The following EOGT variants were observed in gnomAD, a reference collection of about 807,000 sequenced individuals.
EOGT encodes the protein EGF domain-specific O-linked N-acetylglucosamine transferase.
EOGT carries 55 observed loss-of-function variants against 70.5 expected under a neutral mutation model. That is an observed-to-expected ratio of 0.78 (90% CI 0.63 to 0.98). The LOEUF is 0.98. Among genes scored for constraint, EOGT ranks in the 50% least tolerant of loss-of-function variants. EOGT has a pLI of 0.00. For synonymous variants in EOGT, 246 were observed against 217.1 expected, an observed-to-expected ratio of 1.13 and a Z score of -1.17; for missense variants, 703 against 641.9, an observed-to-expected ratio of 1.10 and a Z score of -1.03.
intron 14 of EOGT, 34 bp downstream of exon 14, chr3:68,987,411 A>G (rs1575726206): frequency 1.4e-6 from 2 of 1,389,928 alleles, no homozygotes; most frequent in Non-Finnish European, 2.0e-6. Context: ...TGAATTGAAT[A>G]TGAAGGCATT....
rs2090886803 is a variant in EOGT at position 68,988,547 on chromosome 3, G to A, written c.955C>T (p.Leu319Phe). 6.5e-7 allele frequency: 1 copy of A among 1,532,104 alleles called. No homozygotes were observed. The highest frequency in any genetic ancestry group is 1.4e-5 in the African/African-American group (1 of 72,840). 94.9% of individuals were successfully genotyped at this position (1,532,104 alleles called of 1,614,324 possible). A position where few individuals can be genotyped will look rare whatever the true frequency, so the allele number is the denominator to read the frequency against. The change falls in exon 12 of 18, where the codon CTC (leucine) becomes TTC (phenylalanine). Residue 319 changes from leucine to phenylalanine, a missense_variant. Transcript: ENST00000383701. ...VCFKEAVFSLLPRMRYGLFYN... is the reference protein window; with the variant it reads ...VCFKEAVFSLFPRMRYGLFYN... ...AACAGCCCATACCTCATGCGGGGGA[G>A]TAATGAAAAAACAGCTTCTTTAAAA...
Position 68,988,974 on chromosome 3 carries a change from G to A in EOGT, c.875C>T (p.Ala292Val), listed in dbSNP as rs898593686. 6.5e-7 allele frequency: 1 copy of A among 1,532,828 alleles called. No individual in the cohort carries two copies. The highest frequency in any genetic ancestry group is 8.7e-7 in the Non-Finnish European group (1 of 1,145,180). 95.0% of individuals were successfully genotyped at this position (1,532,828 alleles called of 1,614,324 possible). A position where few individuals can be genotyped will look rare whatever the true frequency, so the allele number is the denominator to read the frequency against. ...YGDLFSDTWN[A>V]FTDYDVIHLK... Reference sequence around the variant, plus strand: ...ATGTATAACGTCATAATCAGTAAATGCATTCCATGTGTCGGAGAATAGGTC... The same window carrying A: ...ATGTATAACGTCATAATCAGTAAATACATTCCATGTGTCGGAGAATAGGTC... Residue 292 changes from alanine (A) to valine (V), a missense_variant, in exon 11 of 18, where the codon GCA becomes GTA. Ala to Val is a moderately conservative substitution (Grantham distance 64, BLOSUM62 0). Coordinates refer to ENST00000383701, the MANE Select transcript of EOGT (RefSeq NM_001278689.2).
rs937783213 is a variant in EOGT, at chr3:68,976,215, C to G, written c.*1403G>C. ...TTTAGTTTGTTTTTTCTTGGTCTTA[C>G]TTTTCACAGGGAAAAATTCTCTTCA... On this transcript the variant is annotated 3_prime_UTR_variant, in exon 18 of 18. Coordinates refer to ENST00000383701, the MANE Select transcript of EOGT (RefSeq NM_001278689.2). The G allele has an allele frequency of 1.3e-5, 2 of 152,118 alleles. No individual in the cohort carries two copies. Among genetic ancestry groups the G allele is most frequent in the East Asian group, 1.9e-4 (1 of 5,188 alleles). The allele number at this position is 152,118 out of a possible 1,614,324, so 9.4% of individuals were successfully genotyped here. A position where few individuals can be genotyped will look rare whatever the true frequency, so the allele number is the denominator to read the frequency against.
chr3:69,005,522 C>T (rs1024186815), intron 6 of EOGT, among the ~76,000 whole-genome samples: 1 of 152,102 alleles, frequency 6.6e-6, no homozygotes, highest in African/African-American at 2.4e-5. Flanking sequence ...TGGCTCAGTT[C>T]AGTCCCCTTT....
rs1429236098 is a variant in EOGT, at chr3:69,007,732, A to G, written c.401T>C (p.Leu134Pro). The change falls in exon 6 of 18, where the codon CTC becomes CCC. Residue 134 changes from leucine (L) to proline (P), a missense_variant. Physicochemically the swap from Leu to Pro is moderately conservative, Grantham distance 98. Transcript: ENST00000383701. ...ARERLEEMHV[L>P]CQPKETSDSS... is the part of the protein sequence containing the mutation. ...ACCCACCGTTTCCTTAGGCTGACAG[A>G]GCACATGCATCTCCTCCAGCCTCTC... The G allele has an allele frequency of 1.2e-6, 2 of 1,610,662 alleles. No individual in the cohort carries two copies. The highest frequency in any genetic ancestry group is 1.7e-6 in the Non-Finnish European group (2 of 1,177,768).
intron 4 of EOGT, 133 bp from the exon 5 acceptor site, chr3:69,008,661 A>G: frequency 3.1e-6 from 2 of 648,058 alleles, no homozygotes; most frequent in Non-Finnish European, 5.3e-6. Flanking sequence ...TATAACAATA[A>G]ATTTAAAACT....
intron 10 of EOGT, among the ~76,000 whole-genome samples, chr3:68,990,098 T>C (rs1330982532): frequency 6.6e-6 from 1 of 152,184 alleles, no homozygotes; most frequent in Non-Finnish European, 1.5e-5. Context: ...ATACTTCCTA[T>C]GTTCCAGGCA....
intron 3 of EOGT, among the ~76,000 whole-genome samples, chr3:69,011,193 C>CTTTTTTTTTTT (rs57904466): frequency 0.27 from 30,329 of 113,090 alleles, 5,135 homozygotes; most frequent in East Asian, 0.5. Context: ...GATCTTTGTT[C>CTTTTTTTTTTT]TTTTTTTTTT....
intron 6 of EOGT, 26 bp from the exon 7 acceptor site, chr3:69,005,260 T>C: frequency 7.5e-7 from 1 of 1,324,604 alleles, no homozygotes; most frequent in Non-Finnish European, 1.1e-6. Context: ...AAGAAAAGAA[T>C]GACTCTGAGT....
At chr3:69,003,578 C>T (rs1186610549) in intron 8 of EOGT, among the ~76,000 whole-genome samples, 2 of 152,208 alleles carry the variant, frequency 1.3e-5, no homozygotes. Context: ...TCCATTAAAC[C>T]TCTTTCCTTT....
intron 9 of EOGT, 78 bp from the exon 10 acceptor site, chr3:68,998,192 T>C: frequency 1.3e-6 from 1 of 775,006 alleles, no homozygotes; most frequent in South Asian, 1.6e-5. Context: ...ATCCCATCTA[T>C]TTACAGTTTA....
chr3:69,005,083 T>C (rs921616598), intron 7 of EOGT, 57 bp downstream of exon 7: 20 of 1,008,106 alleles, frequency 2.0e-5, no homozygotes, highest in African/African-American at 3.4e-5. Context: ...AAAAAATCCC[T>C]GGATCTGAAA....
chr3:68,994,673 C>T (rs1449875169), intron 10 of EOGT, among the ~76,000 whole-genome samples: 1 of 152,104 alleles, frequency 6.6e-6, no homozygotes, highest in Non-Finnish European at 1.5e-5. Flanking sequence ...ACACTGTCAT[C>T]CCAGATACTG....
chr3:68,984,221 T>TCTCA (rs1553663918), intron 14 of EOGT, among the ~76,000 whole-genome samples: 2 of 141,878 alleles, frequency 1.4e-5, no homozygotes. Context: ...TCTCTCTCTC[T>TCTCA]CACACTCACA....
chr3:69,007,593 A>C, intron 6 of EOGT, 120 bp downstream of exon 6: 1 of 427,566 alleles, frequency 2.3e-6, no homozygotes. Flanking sequence ...CAGAGGTTGC[A>C]GTGAGCTGGG....
At chr3:68,980,362 A>AT (rs1376455112) in intron 15 of EOGT, among the ~76,000 whole-genome samples, 1 of 152,218 alleles carries the variant, frequency 6.6e-6, no homozygotes, top group Admixed American at 6.5e-5. Flanking sequence ...CCACCAGGGC[A>AT]TTATCCTGCC....
intron 15 of EOGT, among the ~76,000 whole-genome samples, chr3:68,981,467 G>T (rs949126661): frequency 6.6e-6 from 1 of 152,222 alleles, no homozygotes; most frequent in Non-Finnish European, 1.5e-5. Context: ...AGTGTTCACA[G>T]TGTTAGATTT....
chr3:68,991,471 T>TG (rs1323309851), intron 10 of EOGT, among the ~76,000 whole-genome samples: 1 of 152,114 alleles, frequency 6.6e-6, no homozygotes, highest in Non-Finnish European at 1.5e-5. Flanking sequence ...CTAAATGTGA[T>TG]GGGGGGTGGA....
intron 1 of EOGT, among the ~76,000 whole-genome samples, chr3:69,013,156 T>C (rs1366290937): frequency 6.6e-6 from 1 of 151,886 alleles, no homozygotes; most frequent in African/African-American, 2.4e-5. Context: ...GACGCCGCGC[T>C]GGGGTTCCGG....
Sources: allele counts gnomAD v4.1 joint callset (sites outside exome capture counted in the v4.1 genomes callset), GRCh38; gene constraint gnomAD v4.1.1; transcripts MANE v1.5; gene names NCBI Gene and HGNC (gene_info 2026-07-23, HGNC 2026-07-21).